Variants in CNNM2 observed in about 807,000 individuals in gnomAD.
CNNM2 encodes the protein metal transporter CNNM2.
Under a neutral mutation model 66.9 loss-of-function variants are expected in CNNM2, and 12 were observed. That is an observed-to-expected ratio of 0.18 (90% CI 0.11 to 0.29). The LOEUF (loss-of-function observed/expected upper bound fraction) is 0.29. Among genes scored for constraint, CNNM2 ranks in the 10% least tolerant of loss-of-function variants. The pLI is 1.00. For missense variants in CNNM2, 705 were observed against 1,167.7 expected (o/e 0.60, Z 5.77); for synonymous variants, 557 against 501.8 (o/e 1.11, Z -1.47).
intron 1 of CNNM2, among the ~76,000 whole-genome samples, chr10:102,928,065 C>T (rs1368178095): frequency 3.3e-5 from 5 of 152,128 alleles, no homozygotes; most frequent in Admixed American, 6.5e-5. Context: ...GTAACTTATC[C>T]TCTTTAACCC....
rs113069749 is a variant in CNNM2 at position 102,957,180 on chromosome 10, C to T, written c.1621+37079C>T. Among the ~76,000 whole-genome samples the T allele has an allele frequency of 0.015, 2,256 of 152,262 alleles. 57 individuals are homozygous for T. Among genetic ancestry groups the T allele is most frequent in the African/African-American group, 0.051 (2,100 of 41,540 alleles). The stretch of plus-strand genomic sequence containing the variant: ...ATTAGCCAGGCATGGTGGCAGGTGC[C>T]TGTAATCCCAGCTACTTGGGAGGCT... On this transcript the variant is annotated intron_variant, in intron 1 of 7. Coordinates refer to ENST00000369878, the MANE Select transcript of CNNM2 (RefSeq NM_017649.5).
intron 6 of CNNM2, among the ~76,000 whole-genome samples, chr10:103,074,614 C>G (rs961774955): frequency 4.6e-5 from 7 of 152,178 alleles, no homozygotes; most frequent in Non-Finnish European, 7.3e-5. Flanking sequence ...GACAAGATCA[C>G]TTGAGCTCAG....
At position 102,976,611 on chromosome 10, in the gene CNNM2, A is replaced by ATTTTTTTTTTTTTTTTTTTTTTTTTTTT. The variant is rs66498944; in HGVS notation, c.1621+56511_1621+56538dup. Among the ~76,000 whole-genome samples the ATTTTTTTTTTTTTTTTTTTTTTTTTTTT allele has an allele frequency of 1.5e-4, 9 of 59,444 alleles. 1 individual carries two copies. Among genetic ancestry groups the ATTTTTTTTTTTTTTTTTTTTTTTTTTTT allele is most frequent in the East Asian group, 3.7e-4 (1 of 2,736 alleles). The allele number at this position is 59,444 out of a possible 152,430, so 39.0% of individuals were successfully genotyped here. On this transcript the variant is annotated intron_variant, in intron 1 of 7. Transcript: ENST00000369878. ...CAGGTGTGCGCCACACGCCCAGGTAATTTTTTTTTTTTTTTTTTTTTTTTT... is the reference window on the plus strand; with the variant it reads ...CAGGTGTGCGCCACACGCCCAGGTAATTTTTTTTTTTTTTTTTTTTTTTTTTTTTTTTTTTTTTTTTTTTTTTTTTTTT...
At position 102,919,794 on chromosome 10, in the gene CNNM2, G is replaced by T; in HGVS notation, c.1314G>T (p.Ala438=). ...AGGAGCTGAACATCATCCAAGGGGC[G>T]CTGGAGCTCCGCACCAAGACGGTGG... The part of the protein sequence containing the change: ...VKEELNIIQG[A]LELRTKTVED... Residue 438 remains alanine, a synonymous_variant, in exon 1 of 8, where the codon GCG becomes GCT. Transcript: ENST00000369878. 1.2e-6 allele frequency: 2 copies of T among 1,614,226 alleles called. No homozygotes were observed. The highest frequency in any genetic ancestry group is 1.7e-6 in the Non-Finnish European group (2 of 1,180,036).
chr10:103,007,843 A>T (rs1179306117), intron 1 of CNNM2, among the ~76,000 whole-genome samples: 2 of 152,214 alleles, frequency 1.3e-5, no homozygotes, highest in East Asian at 1.9e-4. Context: ...GCTTATGAAG[A>T]TAACAGGATT....
At chr10:102,988,533 A>G (rs568692376) in intron 1 of CNNM2, among the ~76,000 whole-genome samples, 84 of 152,252 alleles carry the variant, frequency 5.5e-4, no homozygotes, top group Non-Finnish European at 8.2e-4. Context: ...TATACAAAGT[A>G]TAGACCTTTT....
chr10:102,970,295 A>G (rs1271041051), intron 1 of CNNM2, among the ~76,000 whole-genome samples: 1 of 152,228 alleles, frequency 6.6e-6, no homozygotes, highest in Non-Finnish European at 1.5e-5. Flanking sequence ...AGTCTGGGCA[A>G]CAGCATGAAA....
rs1310805480 is a variant in CNNM2, at chr10:103,087,176, GAAAA to G, written c.*9999_*10002del. 4.3e-5 allele frequency: 2 copies of G among 46,180 alleles called. No homozygotes were observed. The highest frequency in any genetic ancestry group is 1.4e-4 in the African/African-American group (2 of 14,694). The allele number at this position is 46,180 out of a possible 1,614,324, so 2.9% of individuals were successfully genotyped here. A position where few individuals can be genotyped will look rare whatever the true frequency, so the allele number is the denominator to read the frequency against. On this transcript the variant is annotated 3_prime_UTR_variant, in exon 8 of 8. Coordinates refer to ENST00000369878, the MANE Select transcript of CNNM2 (RefSeq NM_017649.5). ...TTTTTTTTTTTTTTTTTTTTTTAAGGAAAAAAGTATACCTTTTAAGTTCAGCTTC... is the reference window on the plus strand; with the variant it reads ...TTTTTTTTTTTTTTTTTTTTTTAAGGAAGTATACCTTTTAAGTTCAGCTTC...
chr10:103,041,235 G>A (rs550571785), intron 1 of CNNM2, among the ~76,000 whole-genome samples: 1 of 152,048 alleles, frequency 6.6e-6, no homozygotes, highest in Non-Finnish European at 1.5e-5. Context: ...GACTCCCACC[G>A]GCTCTTTCCG....
At chr10:102,932,916 CAAAAAA>C (rs71019636) in intron 1 of CNNM2, among the ~76,000 whole-genome samples, 2 of 70,668 alleles carry the variant, frequency 2.8e-5, no homozygotes, top group Admixed American at 1.6e-4. Flanking sequence ...GACTCTGTCT[CAAAAAA>C]AAAAAAAAAA....
chr10:102,958,459 G>GTTT lies in CNNM2; in HGVS notation c.1621+38386_1621+38388dup, dbSNP rs33992570. ...GACTTGTTCTGAATTCAAGCAACTT[G>GTTT]TTTTTTTTTTTTTTTTTTTTTTTTT... On this transcript the variant is annotated intron_variant, in intron 1 of 7. Transcript: ENST00000369878. Among the ~76,000 whole-genome samples, 17 of 51,742 alleles carry GTTT rather than the reference G, an allele frequency of 3.3e-4. 1 individual carries two copies. The highest frequency in any genetic ancestry group is 5.4e-4 in the Admixed American group (2 of 3,728). 33.9% of individuals were successfully genotyped at this position (51,742 alleles called of 152,430 possible). A position where few individuals can be genotyped will look rare whatever the true frequency, so the allele number is the denominator to read the frequency against.
intron 1 of CNNM2, among the ~76,000 whole-genome samples, chr10:102,982,261 C>G (rs1335074358): frequency 6.6e-6 from 1 of 152,138 alleles, no homozygotes; most frequent in East Asian, 1.9e-4. Flanking sequence ...ATCACACTGG[C>G]TATATTATTT....
intron 1 of CNNM2, among the ~76,000 whole-genome samples, chr10:103,046,204 T>C (rs746418259): frequency 1.3e-4 from 20 of 152,234 alleles, no homozygotes; most frequent in Non-Finnish European, 2.6e-4. Context: ...AGAAAAGTTA[T>C]GTTTGGTCAT....
chr10:102,928,454 C>T (rs560508289), intron 1 of CNNM2, among the ~76,000 whole-genome samples: 1 of 151,894 alleles, frequency 6.6e-6, no homozygotes, highest in African/African-American at 2.4e-5. Context: ...TGGTGGTGGG[C>T]GCCTGTAATT....
At position 103,053,511 on chromosome 10, in the gene CNNM2, G is replaced by A. The variant is rs6584538; in HGVS notation, c.1766-818G>A. On this transcript the variant is annotated intron_variant, in intron 2 of 7. Coordinates refer to ENST00000369878, the MANE Select transcript of CNNM2 (RefSeq NM_017649.5). ...AGCCTGGGCAATAGAGCAAGAGCCT[G>A]TCTTAAGAAAAGAAAAGAAACCAAA... is the stretch of plus-strand genomic sequence containing the variant. 0.98 allele frequency among the ~76,000 whole-genome samples: 149,543 copies of A among 152,352 alleles called. 73,421 individuals are homozygous for A. Among genetic ancestry groups the A allele is most frequent in the East Asian group, 1 (5,189 of 5,190 alleles).
rs10786733 is a variant in CNNM2, at chr10:103,035,190, G to A, written c.1622-14517G>A. Among the ~76,000 whole-genome samples, 60,996 of 151,688 alleles carry A rather than the reference G, an allele frequency of 0.4. 12,436 individuals are homozygous for A. Among genetic ancestry groups the A allele is most frequent in the East Asian group, 0.49 (2,516 of 5,166 alleles). On this transcript the variant is annotated intron_variant, in intron 1 of 7. Coordinates refer to ENST00000369878, the MANE Select transcript of CNNM2 (RefSeq NM_017649.5). Reference sequence around the variant, plus strand: ...TACTAAACGGACTACTAAGTAGTCTGGTCAGTCCTCGTTTATCATTCTTAT... The same window carrying A: ...TACTAAACGGACTACTAAGTAGTCTAGTCAGTCCTCGTTTATCATTCTTAT...
At chr10:102,940,017 T>C (rs1241948060) in intron 1 of CNNM2, among the ~76,000 whole-genome samples, 3 of 138,646 alleles carry the variant, frequency 2.2e-5, no homozygotes, top group Non-Finnish European at 4.8e-5. Context: ...AAAACCGCCA[T>C]GTAGGAGACG....
rs913433861 is a variant in CNNM2, at chr10:103,083,926, G to A, written c.*6746G>A. 8.5e-5 allele frequency: 13 copies of A among 152,234 alleles called. No homozygotes were observed. The highest frequency in any genetic ancestry group is 1.5e-4 in the Non-Finnish European group (10 of 68,084). 9.4% of individuals were successfully genotyped at this position (152,234 alleles called of 1,614,324 possible). On this transcript the variant is annotated 3_prime_UTR_variant, in exon 8 of 8. Transcript: ENST00000369878. ...AGTCACTTTCAAGTGGAAAACATCC[G>A]GCCTGAGTGTGGCGAGGCGTGTGCA...
In CNNM2 at chr10:103,078,641, C is replaced by T. The variant is rs2065726592; in HGVS notation, c.*1461C>T. The stretch of plus-strand genomic sequence containing the variant: ...GAGGGATATGTGCAGGTTGTTGGCG[C>T]TATTCATGCACTGAAATGAAATCAT... On this transcript the variant is annotated 3_prime_UTR_variant, in exon 8 of 8. Coordinates refer to ENST00000369878, the MANE Select transcript of CNNM2 (RefSeq NM_017649.5). 6.6e-6 allele frequency: 1 copy of T among 152,228 alleles called. No homozygotes were observed. The highest frequency in any genetic ancestry group is 1.5e-5 in the Non-Finnish European group (1 of 68,046). 9.4% of individuals were successfully genotyped at this position (152,228 alleles called of 1,614,324 possible).
Sources: allele counts gnomAD v4.1 joint callset (sites outside exome capture counted in the v4.1 genomes callset), GRCh38; gene constraint gnomAD v4.1.1; transcripts MANE v1.5; gene names NCBI Gene and HGNC (gene_info 2026-07-23, HGNC 2026-07-21).